The following PIKFYVE variants were observed in gnomAD, a reference collection of about 807,000 sequenced individuals.
The protein encoded by PIKFYVE is 1-phosphatidylinositol 3-phosphate 5-kinase.
A neutral mutation model predicts 257.9 loss-of-function variants in PIKFYVE; 122 were observed. The ratio of observed to expected loss-of-function variants is 0.47; its 90% confidence interval spans 0.41 to 0.55. PIKFYVE has a LOEUF of 0.55. Ranked by LOEUF, PIKFYVE falls within the 20% of genes least tolerant of loss-of-function variation. PIKFYVE has a pLI of 0.00. For synonymous variants in PIKFYVE, 892 were observed against 868.9 expected (o/e 1.03, Z -0.47); for missense variants, 2,160 against 2,536.6 (o/e 0.85, Z 3.19).
At chr2:208,302,205 CTT>C in intron 9 of PIKFYVE, 35 bp from the exon 10 acceptor site, 1 of 1,580,932 alleles carries the variant, frequency 6.3e-7, no homozygotes, top group Non-Finnish European at 8.7e-7. Flanking sequence ...TTCTGACTGA[CTT>C]TTAAAACTTT....
At chr2:208,309,278 C>T (rs542159231) in intron 12 of PIKFYVE, among the ~76,000 whole-genome samples, 55 of 152,104 alleles carry the variant, frequency 3.6e-4, no homozygotes, top group Middle Eastern at 6.8e-3. Context: ...TAGATTGAGA[C>T]TAACAAGATG....
chr2:208,274,711 G>A (rs1689883753), intron 3 of PIKFYVE, among the ~76,000 whole-genome samples: 1 of 152,150 alleles, frequency 6.6e-6, no homozygotes, highest in African/African-American at 2.4e-5. Context: ...TCAGAAGATG[G>A]GGAGTGGGAG....
chr2:208,351,264 C>T, intron 37 of PIKFYVE, 88 bp from the exon 38 acceptor site: 1 of 1,123,364 alleles, frequency 8.9e-7, no homozygotes, highest in Non-Finnish European at 1.3e-6. Context: ...CATAAAACAA[C>T]CTAATCATTT....
chr2:208,295,852 C>G (rs1692905184), intron 7 of PIKFYVE, among the ~76,000 whole-genome samples: 1 of 152,154 alleles, frequency 6.6e-6, no homozygotes. Context: ...ATAGTTTCAG[C>G]ATTCATTTAT....
chr2:208,322,949 G>C (rs2125556124), intron 17 of PIKFYVE, among the ~76,000 whole-genome samples: 1 of 147,176 alleles, frequency 6.8e-6, no homozygotes, highest in South Asian at 2.1e-4. Context: ...TGCGGTGTTT[G>C]GTTTTTTGTC....
chr2:208,353,541 C>CTT (rs1699956393), intron 39 of PIKFYVE, among the ~76,000 whole-genome samples: 1 of 139,756 alleles, frequency 7.2e-6, no homozygotes, highest in South Asian at 2.2e-4. Flanking sequence ...ATTTGCATCT[C>CTT]TCTCTTTTTT....
intron 32 of PIKFYVE, among the ~76,000 whole-genome samples, chr2:208,343,577 AAT>A (rs1698930764): frequency 6.6e-6 from 1 of 152,212 alleles, no homozygotes; most frequent in Non-Finnish European, 1.5e-5. Context: ...GTTTTATAAT[AAT>A]ATACTACAAC....
intron 5 of PIKFYVE, among the ~76,000 whole-genome samples, chr2:208,277,920 A>G (rs1290085280): frequency 4.6e-5 from 7 of 152,220 alleles, no homozygotes; most frequent in Non-Finnish European, 2.9e-5. Flanking sequence ...GTAAAAGTGT[A>G]TTTATTGTAG....
intron 35 of PIKFYVE, among the ~76,000 whole-genome samples, chr2:208,348,599 AGTGTGTGTGTGTGT>A (rs35997291): frequency 7.8e-5 from 10 of 128,986 alleles, no homozygotes; most frequent in Admixed American, 3.2e-4. Context: ...AAAAAAAAAA[AGTGTGTGTGTGTGT>A]GTGTGTGTGT....
intron 10 of PIKFYVE, among the ~76,000 whole-genome samples, chr2:208,303,515 A>G (rs1325680437): frequency 6.6e-6 from 1 of 152,210 alleles, no homozygotes. Context: ...AGAAAATCAT[A>G]AGGAAGAGAA....
rs1559155006 is a variant in PIKFYVE at position 208,338,567 on chromosome 2, A to G, written c.4671A>G (p.Lys1557=). The G allele has an allele frequency of 3.1e-6, 5 of 1,612,584 alleles. No individual in the cohort carries two copies. Among genetic ancestry groups the G allele is most frequent in the Non-Finnish European group, 4.2e-6 (5 of 1,178,740 alleles). Residue 1557 remains lysine, a splice_region_variant and synonymous_variant, in exon 29 of 42, where the codon AAA becomes AAG. Coordinates refer to ENST00000264380, the MANE Select transcript of PIKFYVE (RefSeq NM_015040.4). ...NISPGLQNGE[K]EDRFLTTLSS... ...CTCCAGGACTTCAGAATGGAGAAAA[A>G]GGTTGGTTCTTGAGTCTGGTGATCA...
At chr2:208,278,575 G>C (rs1690406271) in intron 5 of PIKFYVE, among the ~76,000 whole-genome samples, 1 of 151,916 alleles carries the variant, frequency 6.6e-6, no homozygotes, top group African/African-American at 2.4e-5. Flanking sequence ...CCCTGCTCTA[G>C]TAGTCCCCTT....
intron 32 of PIKFYVE, 67 bp downstream of exon 32, chr2:208,342,716 A>G (rs71418678): frequency 0.013 from 16,225 of 1,293,826 alleles, 111 homozygotes; most frequent in Non-Finnish European, 0.015. Flanking sequence ...TTAATCCCTT[A>G]TTTTTGGAAT....
intron 15 of PIKFYVE, 107 bp downstream of exon 15, chr2:208,315,480 T>C: frequency 7.4e-7 from 1 of 1,343,356 alleles, no homozygotes; most frequent in Non-Finnish European, 1.0e-6. Context: ...TGAGGGGTGC[T>C]AGGTGAGGAG....
At chr2:208,307,723 T>A (rs1694495437) in intron 12 of PIKFYVE, among the ~76,000 whole-genome samples, 2 of 152,184 alleles carry the variant, frequency 1.3e-5, no homozygotes. Context: ...ACTAAGTCGT[T>A]CCAAAACAAC....
chr2:208,286,392 GTTT>G (rs1691580516), intron 6 of PIKFYVE, among the ~76,000 whole-genome samples: 1 of 152,060 alleles, frequency 6.6e-6, no homozygotes, highest in South Asian at 2.1e-4. Flanking sequence ...TATATGTCAT[GTTT>G]TTCTGTAAGT....
intron 9 of PIKFYVE, among the ~76,000 whole-genome samples, chr2:208,301,956 T>C (rs1196677682): frequency 6.6e-6 from 1 of 152,176 alleles, no homozygotes; most frequent in Admixed American, 6.5e-5. Flanking sequence ...ATCTGTTAAG[T>C]ATAGGGTTGT....
At chr2:208,297,807 C>G (rs992948909) in intron 7 of PIKFYVE, among the ~76,000 whole-genome samples, 1 of 149,526 alleles carries the variant, frequency 6.7e-6, no homozygotes, top group Non-Finnish European at 1.5e-5. Context: ...TTCTAGTTAC[C>G]CTTTCTTTTA....
rs749017837 is a variant in PIKFYVE, at chr2:208,325,313, C to T, written c.2502C>T (p.His834=). ...TLMFFEGCPQ[H]LGCTIKLRGG... The stretch of plus-strand genomic sequence containing the variant: ...TGTTTTTTGAAGGTTGTCCACAGCA[C>T]CTAGGCTGTACAATCAAGCTAAGAG... Residue 834 remains histidine (H), a synonymous_variant, in exon 20 of 42, where the codon CAC becomes CAT. Coordinates refer to ENST00000264380, the MANE Select transcript of PIKFYVE (RefSeq NM_015040.4). 1.2e-5 allele frequency: 20 copies of T among 1,613,994 alleles called. No homozygotes were observed. Among genetic ancestry groups the T allele is most frequent in the Admixed American group, 1.7e-5 (1 of 59,996 alleles).
Sources: allele counts gnomAD v4.1 joint callset (sites outside exome capture counted in the v4.1 genomes callset), GRCh38; gene constraint gnomAD v4.1.1; transcripts MANE v1.5; gene names NCBI Gene and HGNC (gene_info 2026-07-23, HGNC 2026-07-21).